The following BMAL1 variants were observed in gnomAD, a reference collection of about 807,000 sequenced individuals.
The protein encoded by BMAL1 is basic helix-loop-helix ARNT like 1.
At chr11:13,287,837 G>T in the BMAL1 span, among the ~76,000 whole-genome samples, 1 of 152,134 alleles carries the variant, frequency 6.6e-6, no homozygotes, top group Admixed American at 6.5e-5. Context: ...ATTTATTTAG[G>T]CATAGTACTA....
At chr11:13,313,704 C>T in the BMAL1 span, among the ~76,000 whole-genome samples, 1 of 152,038 alleles carries the variant, frequency 6.6e-6, no homozygotes, top group African/African-American at 2.4e-5. Flanking sequence ...TCATCTTTTT[C>T]CTCCCTCATT....
At chr11:13,281,059 T>C in the BMAL1 span, among the ~76,000 whole-genome samples, 1 of 152,160 alleles carries the variant, frequency 6.6e-6, no homozygotes, top group Non-Finnish European at 1.5e-5. Flanking sequence ...GTGTGAGGAT[T>C]AAGGGAGATG....
chr11:13,382,634 T>G, the BMAL1 span, among the ~76,000 whole-genome samples: 13 of 152,308 alleles, frequency 8.5e-5, no homozygotes, highest in South Asian at 2.7e-3. Context: ...AGTCTCTGCT[T>G]CTTAAGTTAA....
At chr11:13,277,015 A>G in the BMAL1 span, 1 of 152,230 alleles carries the variant, frequency 6.6e-6, no homozygotes, top group Admixed American at 6.5e-5. Flanking sequence ...TTCTCTTTGG[A>G]ACTACGGGAA....
chr11:13,287,677 T>G, the BMAL1 span, among the ~76,000 whole-genome samples: 1 of 152,242 alleles, frequency 6.6e-6, no homozygotes, highest in Non-Finnish European at 1.5e-5. Context: ...TGTGTTTTTC[T>G]TATTCTTCAG....
chr11:13,307,592 T>C, the BMAL1 span, among the ~76,000 whole-genome samples: 21,417 of 152,214 alleles, frequency 0.14, 1,600 homozygotes, highest in South Asian at 0.22. Context: ...GGGCTAGCCT[T>C]ATCTTTGGAA....
chr11:13,366,575 G>A, the BMAL1 span: 27 of 1,176,100 alleles, frequency 2.3e-5, no homozygotes, highest in Non-Finnish European at 3.2e-5. Context: ...AAAACACAAA[G>A]GCAACATGCA....
At chr11:13,304,430 T>G in the BMAL1 span, among the ~76,000 whole-genome samples, 1 of 152,316 alleles carries the variant, frequency 6.6e-6, no homozygotes, top group South Asian at 2.1e-4. Flanking sequence ...TAGTCTCACT[T>G]CCTACCCTCA....
chr11:13,300,981 A>G, the BMAL1 span, among the ~76,000 whole-genome samples: 1 of 152,300 alleles, frequency 6.6e-6, no homozygotes, highest in East Asian at 1.9e-4. Context: ...TTCTGTCACC[A>G]GGCTGGAGTG....
At chr11:13,301,242 G>A in the BMAL1 span, among the ~76,000 whole-genome samples, 1 of 152,168 alleles carries the variant, frequency 6.6e-6, no homozygotes, top group Non-Finnish European at 1.5e-5. Flanking sequence ...GTCTGTTGTT[G>A]TTTTTATTGT....
the BMAL1 span, chr11:13,378,745 C>T: frequency 1.5e-5 from 5 of 331,514 alleles, no homozygotes; most frequent in African/African-American, 4.4e-5. Context: ...AATAGCCCAG[C>T]GCTAAAGAGA....
At chr11:13,277,404 G>C in the BMAL1 span, among the ~76,000 whole-genome samples, 2 of 152,204 alleles carry the variant, frequency 1.3e-5, no homozygotes, top group Non-Finnish European at 2.9e-5. Context: ...TGGGAGACCT[G>C]AGGGGAAAGG....
the BMAL1 span, among the ~76,000 whole-genome samples, chr11:13,278,076 A>T: frequency 0.031 from 4,775 of 151,980 alleles, 170 homozygotes; most frequent in African/African-American, 0.088. Flanking sequence ...CCGGCCTTAA[A>T]GGGCCCGTGA....
At chr11:13,284,266 ATTTT>A in the BMAL1 span, among the ~76,000 whole-genome samples, 3 of 44,880 alleles carry the variant, frequency 6.7e-5, no homozygotes, top group African/African-American at 2.4e-4. Flanking sequence ...ATATATATAT[ATTTT>A]TTTTTTTAAT....
the BMAL1 span, chr11:13,355,073 G>A: frequency 2.5e-5 from 15 of 593,520 alleles, no homozygotes; most frequent in Non-Finnish European, 4.5e-5. Flanking sequence ...TAGGGAATAA[G>A]GCAGTGTAGA....
the BMAL1 span, chr11:13,376,576 G>C: frequency 6.5e-7 from 1 of 1,539,280 alleles, no homozygotes; most frequent in African/African-American, 1.4e-5. Context: ...CCTTGGCCAA[G>C]TTGAATGGTG....
At chr11:13,323,827 G>T in the BMAL1 span, among the ~76,000 whole-genome samples, 1 of 152,126 alleles carries the variant, frequency 6.6e-6, no homozygotes, top group Non-Finnish European at 1.5e-5. Flanking sequence ...ATGTTGGCCA[G>T]GCTGGTCTCA....
At chr11:13,314,596 G>A in the BMAL1 span, among the ~76,000 whole-genome samples, 3 of 152,102 alleles carry the variant, frequency 2.0e-5, no homozygotes, top group African/African-American at 4.8e-5. Flanking sequence ...TTGATGGACC[G>A]ATAATAGCAA....
At chr11:13,297,250 A>G in the BMAL1 span, among the ~76,000 whole-genome samples, 1 of 152,156 alleles carries the variant, frequency 6.6e-6, no homozygotes, top group African/African-American at 2.4e-5. Flanking sequence ...GCTATGGAGG[A>G]AAGGAAGAAG....
Sources: gnomAD v4.1 joint callset for allele counts (sites outside exome capture counted in the v4.1 genomes callset) on GRCh38, gnomAD v4.1.1 for gene constraint, MANE v1.5 for transcripts, NCBI Gene and HGNC (gene_info 2026-07-23, HGNC 2026-07-21) for gene names.